The following PCDH7 variants were observed in gnomAD, a reference collection of about 807,000 sequenced individuals.
PCDH7 encodes protocadherin-7.
In PCDH7, 17 loss-of-function variants were observed where a neutral mutation model predicts 58.9. The observed-to-expected ratio is 0.29, with a 90% CI of 0.20 to 0.43. The LOEUF is 0.43. PCDH7 is among the 20% of genes least tolerant of loss of function. PCDH7 has a pLI of 1.00. For missense variants in PCDH7, 1,274 were observed against 1,441.0 expected (o/e 0.88, Z 1.88); for synonymous variants, 664 against 616.4 (o/e 1.08, Z -1.14).
chr4:31,043,792 G>C (rs765232672), intron 3 of PCDH7, among the ~76,000 whole-genome samples: 1 of 152,074 alleles, frequency 6.6e-6, no homozygotes, highest in Admixed American at 6.6e-5. Flanking sequence ...TTCTTTTGCT[G>C]TGTAGAAGTT....
rs1229624529 is a variant in PCDH7, at chr4:30,722,305, C to A, written c.883C>A (p.Arg295=). The stretch of plus-strand genomic sequence containing the variant: ...GCCTCGCTCCTCGCAGGCCATCCTA[C>A]GGGTCCTCATCACCGACGTGAACGA... Residue 295 remains arginine (R), a synonymous_variant, in exon 1 of 2, where the codon CGG becomes AGG. Coordinates refer to ENST00000361762, the Ensembl canonical transcript of PCDH7. The surrounding 1 kb of genome is among the most constrained non-coding windows in gnomAD (Gnocchi z 7.6). The A allele has an allele frequency of 1.9e-6, 3 of 1,608,104 alleles. No homozygotes were observed. The highest frequency in any genetic ancestry group is 2.5e-6 in the Non-Finnish European group (3 of 1,178,166).
chr4:30,800,254 A>G (rs1392023197), intron 1 of PCDH7, among the ~76,000 whole-genome samples: 1 of 152,034 alleles, frequency 6.6e-6, no homozygotes, highest in Non-Finnish European at 1.5e-5. Flanking sequence ...GCATTAACCA[A>G]TGGAGTGTAG....
chr4:30,968,474 G>T (rs1239484454), intron 3 of PCDH7, among the ~76,000 whole-genome samples: 1 of 144,128 alleles, frequency 6.9e-6, no homozygotes, highest in East Asian at 2.1e-4. Context: ...TCAAACCAAG[G>T]TTGGAGACTT....
At chr4:31,061,498 T>C (rs1265956904) in intron 3 of PCDH7, among the ~76,000 whole-genome samples, 1 of 151,520 alleles carries the variant, frequency 6.6e-6, no homozygotes, top group East Asian at 1.9e-4. Context: ...TCAGAAAATA[T>C]AAAATTATAC....
At chr4:31,129,366 T>A (rs1718687916) in intron 3 of PCDH7, among the ~76,000 whole-genome samples, 1 of 152,138 alleles carries the variant, frequency 6.6e-6, no homozygotes, top group Non-Finnish European at 1.5e-5. Context: ...GAGAGACAGA[T>A]AACAAGTCAA....
At chr4:30,763,581 G>A (rs778594420) in intron 1 of PCDH7, among the ~76,000 whole-genome samples, 34 of 152,288 alleles carry the variant, frequency 2.2e-4, no homozygotes, top group East Asian at 7.7e-4. Context: ...TACCTCATGG[G>A]TATAGCTGTC....
chr4:30,848,104 T>C (rs1270994274), intron 1 of PCDH7, among the ~76,000 whole-genome samples: 1 of 152,160 alleles, frequency 6.6e-6, no homozygotes, highest in Non-Finnish European at 1.5e-5. Flanking sequence ...ATTATTTGTA[T>C]ACACTATAAG....
chr4:30,844,605 T>C (rs2109341292), intron 1 of PCDH7, among the ~76,000 whole-genome samples: 1 of 152,288 alleles, frequency 6.6e-6, no homozygotes, highest in South Asian at 2.1e-4. Context: ...TGGAAAGAAA[T>C]AATCGTAAAT....
rs573140943 is a variant in PCDH7 at position 31,120,331 on chromosome 4, A to C, written c.*8-22142A>C. Among the ~76,000 whole-genome samples, 12 of 143,752 alleles carry C rather than the reference A, an allele frequency of 8.3e-5. 1 individual carries two copies. In the South Asian group the frequency reaches 2.7e-3, roughly 32 times the overall value. The allele number at this position is 143,752 out of a possible 152,430, so 94.3% of individuals were successfully genotyped here. Reference sequence around the variant, plus strand: ...TTCCTCCCTTCCTTCTTGGTTTTTTAAATTCTTCTTTTTTCCATTCCTTTC... The same window carrying C: ...TTCCTCCCTTCCTTCTTGGTTTTTTCAATTCTTCTTTTTTCCATTCCTTTC... On this transcript the variant is annotated intron_variant, in intron 3 of 3. Coordinates refer to the PCDH7 transcript ENST00000509759.
chr4:31,135,604 C>A (rs548595596), intron 3 of PCDH7, among the ~76,000 whole-genome samples: 1 of 152,090 alleles, frequency 6.6e-6, no homozygotes, highest in Non-Finnish European at 1.5e-5. Context: ...TTATCTGAAA[C>A]CCTTGGAGCC....
At chr4:30,786,754 T>A in intron 1 of PCDH7, 1 of 983,928 alleles carries the variant, frequency 1.0e-6, no homozygotes, top group Admixed American at 6.2e-5. Context: ...CATGAACCCC[T>A]CTGGCCACAT....
At chr4:31,126,923 A>G (rs1281146915) in intron 3 of PCDH7, among the ~76,000 whole-genome samples, 1 of 152,200 alleles carries the variant, frequency 6.6e-6, no homozygotes, top group Non-Finnish European at 1.5e-5. Context: ...ACTTGCAGAA[A>G]TTAATTCCCT....
intron 3 of PCDH7, among the ~76,000 whole-genome samples, chr4:31,062,166 G>A (rs1170559256): frequency 6.6e-6 from 1 of 151,546 alleles, no homozygotes; most frequent in East Asian, 1.9e-4. Flanking sequence ...AAAACCAAAA[G>A]CCATTGGCAG....
intron 1 of PCDH7, among the ~76,000 whole-genome samples, chr4:30,750,912 C>T (rs1478312728): frequency 6.6e-6 from 1 of 151,742 alleles, no homozygotes; most frequent in African/African-American, 2.4e-5. Context: ...GTAGAAAGTT[C>T]TTGCAGAATA....
At position 30,894,461 on chromosome 4, in the gene PCDH7, A is replaced by AG. The variant is rs1460098577; in HGVS notation, c.71-25690dup. ...CCTGGTCTGGAGACCAGTTTCATTC[A>AG]GGAAAAAAAAAAAAAAAAAAAAAAA... On this transcript the variant is annotated intron_variant, in intron 1 of 3. Coordinates refer to the PCDH7 transcript ENST00000509759. 3.3e-3 allele frequency among the ~76,000 whole-genome samples: 159 copies of AG among 48,258 alleles called. 8 individuals are homozygous for AG. The highest frequency in any genetic ancestry group is 0.017 in the African/African-American group (150 of 8,756). 31.7% of individuals were successfully genotyped at this position (48,258 alleles called of 152,430 possible).
chr4:31,098,586 T>C (rs1306127159), intron 3 of PCDH7, among the ~76,000 whole-genome samples: 2 of 152,182 alleles, frequency 1.3e-5, no homozygotes, highest in South Asian at 2.1e-4. Flanking sequence ...CACATCCGTC[T>C]GGTCACTACA....
chr4:30,741,356 A>T (rs945117146), intron 1 of PCDH7, among the ~76,000 whole-genome samples: 4 of 134,676 alleles, frequency 3.0e-5, no homozygotes, highest in African/African-American at 1.1e-4. Flanking sequence ...ATATATGGCT[A>T]GTTAAAAAAA....
chr4:30,897,233 G>T (rs1284719942), intron 1 of PCDH7, among the ~76,000 whole-genome samples: 2 of 151,996 alleles, frequency 1.3e-5, no homozygotes, highest in Admixed American at 1.3e-4. Context: ...ACACTAAATT[G>T]CTTCACAAAC....
intron 1 of PCDH7, among the ~76,000 whole-genome samples, chr4:30,760,885 T>G (rs971803643): frequency 1.1e-4 from 17 of 152,092 alleles, no homozygotes; most frequent in African/African-American, 4.1e-4. Flanking sequence ...TCTTACAGAG[T>G]GGGGTGCCTT....
Sources: gnomAD v4.1 joint callset for allele counts (sites outside exome capture counted in the v4.1 genomes callset) on GRCh38, gnomAD v4.1.1 for gene constraint, Gnocchi (gnomAD v3.1) non-coding constraint, MANE v1.5 for transcripts, NCBI Gene and HGNC (gene_info 2026-07-23, HGNC 2026-07-21) for gene names.